The following TENM1 variants were observed in gnomAD, a reference collection of about 807,000 sequenced individuals.
TENM1 encodes teneurin transmembrane protein 1, also known as teneurin-1.
In TENM1, 35 loss-of-function variants were observed where a neutral mutation model predicts 174.8. The observed-to-expected ratio is 0.20, with a 90% CI of 0.15 to 0.27. The LOEUF is 0.27. Among genes scored for constraint, TENM1 ranks in the 10% least tolerant of loss-of-function variants. The probability of loss-of-function intolerance (pLI) is 1.00; values close to 1 mark genes in which losing one functional copy is unlikely to be tolerated. For missense variants in TENM1, 1,633 were observed against 2,130.1 expected (o/e 0.77, Z 4.59); for synonymous variants, 781 against 798.7 (o/e 0.98, Z 0.37).
chrX:124,686,574 G>A (rs894852375), intron 5 of TENM1, among the ~76,000 whole-genome samples: 3 of 111,662 alleles, frequency 2.7e-5, no homozygotes, highest in Non-Finnish European at 5.6e-5. Context: ...TATCCATCAC[G>A]ATCAAGTCAG....
At chrX:124,662,225 C>T (rs1371071957) in intron 6 of TENM1, among the ~76,000 whole-genome samples, 3 of 110,302 alleles carry the variant, frequency 2.7e-5, no homozygotes, top group African/African-American at 6.6e-5. Context: ...GAAGCTGAGA[C>T]GGGCGGATCA....
At chrX:124,494,515 ATTTT>A (rs2047143154) in intron 20 of TENM1, among the ~76,000 whole-genome samples, 1 of 101,063 alleles carries the variant, frequency 9.9e-6, no homozygotes, top group African/African-American at 3.9e-5. Flanking sequence ...TTATTTATTT[ATTTT>A]TTATTATTAT....
At chrX:124,434,370 C>T (rs2060812182) in intron 23 of TENM1, among the ~76,000 whole-genome samples, 3 of 111,506 alleles carry the variant, frequency 2.7e-5, no homozygotes, top group African/African-American at 9.8e-5. Flanking sequence ...TAAGATAGTT[C>T]CTGGGGCCAT....
At chrX:124,380,987 A>G (rs1274749305) in exon 32 of TENM1, 2 of 1,211,711 alleles carry the variant, frequency 1.7e-6, no homozygotes, top group African/African-American at 3.5e-5. Context: ...CCCAAGCTTA[A>G]TGAAGTAGTG....
intron 11 of TENM1, among the ~76,000 whole-genome samples, chrX:124,572,675 G>A (rs1233608944): frequency 9.0e-6 from 1 of 111,172 alleles, no homozygotes; most frequent in Non-Finnish European, 1.9e-5. Context: ...AAAGCTACAA[G>A]GTTTCTGGAT....
the TENM1 span, among the ~76,000 whole-genome samples, chrX:125,186,571 C>T: frequency 9.5e-6 from 1 of 105,360 alleles, no homozygotes; most frequent in Non-Finnish European, 1.9e-5. Flanking sequence ...ATGAGAAATG[C>T]TGGTTGAAAA....
intron 3 of TENM1, among the ~76,000 whole-genome samples, chrX:124,739,601 C>T (rs754288014): frequency 2.7e-5 from 3 of 112,385 alleles, no homozygotes; most frequent in Non-Finnish European, 5.6e-5. Flanking sequence ...CTGCCCAGCA[C>T]TCTTTCCATT....
chrX:124,497,153 A>G, exon 20 of TENM1: 1 of 1,210,321 alleles, frequency 8.3e-7, no homozygotes, highest in Non-Finnish European at 1.1e-6. Context: ...GGGCTGGGCC[A>G]TTGCAGTTGG....
At chrX:125,043,523 G>A in the TENM1 span, among the ~76,000 whole-genome samples, 22 of 46,667 alleles carry the variant, frequency 4.7e-4, no homozygotes, top group Non-Finnish European at 7.1e-4. Context: ...AACAGGTGCT[G>A]GAGAGGATGT....
At chrX:124,396,318 TCGAGCCGGAG>T (rs1318151777) in intron 27 of TENM1, among the ~76,000 whole-genome samples, 172 of 101,089 alleles carry the variant, frequency 1.7e-3, no homozygotes, top group Middle Eastern at 9.7e-3. Flanking sequence ...TTTTTTTTTT[TCGAGCCGGAG>T]TTTTGCTCTT....
intron 1 of TENM1, among the ~76,000 whole-genome samples, chrX:124,933,557 G>A (rs1225890329): frequency 8.9e-6 from 1 of 112,211 alleles, no homozygotes; most frequent in African/African-American, 3.2e-5. Flanking sequence ...TAAAGTCCTC[G>A]TTAATGTTCT....
chrX:124,438,366 A>T (rs1240952656), intron 23 of TENM1, among the ~76,000 whole-genome samples: 1 of 111,146 alleles, frequency 9.0e-6, no homozygotes, highest in Non-Finnish European at 1.9e-5. Flanking sequence ...AGAGAGATAC[A>T]GAAGTATCTT....
the TENM1 span, among the ~76,000 whole-genome samples, chrX:125,110,587 A>ATT: frequency 0.073 from 7,566 of 103,281 alleles, 215 homozygotes; most frequent in Middle Eastern, 0.17. Flanking sequence ...CCCCTATCCC[A>ATT]TTTTTTTTTT....
intron 5 of TENM1, 60 bp downstream of exon 8, chrX:124,704,953 C>G: frequency 1.0e-6 from 1 of 974,484 alleles, no homozygotes. Flanking sequence ...CCCATTCCCA[C>G]CACAAGCAAA....
At chrX:124,411,856 A>G (rs2060539582) in intron 25 of TENM1, 1 of 112,172 alleles carries the variant, frequency 8.9e-6, no homozygotes, top group Non-Finnish European at 1.9e-5. Flanking sequence ...TGTCGAAGAA[A>G]CAAGTTTAAT....
chrX:125,125,820 C>G, the TENM1 span, among the ~76,000 whole-genome samples: 1 of 111,895 alleles, frequency 8.9e-6, no homozygotes, highest in East Asian at 2.8e-4. Context: ...AATCGTTTGA[C>G]TCACTTTGGA....
chrX:124,829,504 T>C (rs1011092780), intron 3 of TENM1, among the ~76,000 whole-genome samples: 1 of 111,584 alleles, frequency 9.0e-6, no homozygotes, highest in African/African-American at 3.3e-5. Flanking sequence ...GTTAAGAGGG[T>C]CACACCCTAT....
intron 14 of TENM1, among the ~76,000 whole-genome samples, chrX:124,558,721 A>G (rs909472693): frequency 1.1e-4 from 12 of 111,312 alleles, no homozygotes; most frequent in African/African-American, 3.9e-4. Flanking sequence ...AGTTTATTCA[A>G]TCTATCTTTC....
intron 3 of TENM1, among the ~76,000 whole-genome samples, chrX:124,843,631 A>G (rs1398171934): frequency 8.9e-6 from 1 of 111,767 alleles, no homozygotes; most frequent in Non-Finnish European, 1.9e-5. Context: ...CACGTATTTC[A>G]TAAAATACTG....
Sources: allele counts gnomAD v4.1 joint callset (sites outside exome capture counted in the v4.1 genomes callset), GRCh38; gene constraint gnomAD v4.1.1; transcripts MANE v1.5; gene names NCBI Gene and HGNC (gene_info 2026-07-23, HGNC 2026-07-21).